CSMD3: variants seen among roughly 807,000 people sequenced by gnomAD.
CSMD3 encodes CUB and Sushi multiple domains 3.
CSMD3 carries 177 observed loss-of-function variants against 435.2 expected under a neutral mutation model. The observed-to-expected ratio is 0.41, with a 90% CI of 0.36 to 0.46. The LOEUF is 0.46. CSMD3 is among the 20% of genes least tolerant of loss of function. The pLI, the probability that CSMD3 is intolerant of heterozygous loss-of-function variation, is 0.34. For missense variants in CSMD3, 4,265 were observed against 4,504.6 expected (o/e 0.95, Z 1.52); for synonymous variants, 1,656 against 1,520.5 (o/e 1.09, Z -2.07).
intron 19 of CSMD3, 78 bp from the exon 20 acceptor site, chr8:112,645,303 G>T: frequency 1.2e-6 from 1 of 828,050 alleles, no homozygotes; most frequent in Non-Finnish European, 2.1e-6. Flanking sequence ...CTCCTCTCTT[G>T]AATTGAGCAG....
At chr8:112,845,763 G>A (rs2080300613) in intron 11 of CSMD3, among the ~76,000 whole-genome samples, 2 of 152,004 alleles carry the variant, frequency 1.3e-5, no homozygotes, top group Admixed American at 1.3e-4. Context: ...ATCCAAAGGA[G>A]AATAATGGAA....
chr8:112,237,291 C>T lies in CSMD3; in HGVS notation c.10526G>A (p.Gly3509Glu), dbSNP rs2129992136. The change falls in exon 67 of 71, where the codon GGA becomes GAA. Residue 3509 changes from glycine to glutamate, a missense_variant. Around this residue, in one of 3 missense-constraint regions of CSMD3, gnomAD observed 3,255 missense variants for 3,380.2 expected, o/e 0.96. Coordinates refer to ENST00000297405, the MANE Select transcript of CSMD3 (RefSeq NM_198123.2). Reference sequence around the variant, plus strand: ...TGTTAAGGTCATGGGTTGTTTCCTTCCTTTGAAATTGTAAGAGCCTTTCCA... The same window carrying T: ...TGTTAAGGTCATGGGTTGTTTCCTTTCTTTGAAATTGTAAGAGCCTTTCCA... ...YIWKGSYNFK[G>E]RKQPMTLTVT... 1.9e-6 allele frequency: 3 copies of T among 1,613,256 alleles called. No individual in the cohort carries two copies. The highest frequency in any genetic ancestry group is 2.5e-6 in the Non-Finnish European group (3 of 1,179,434).
chr8:113,243,146 A>C (rs2093238066), intron 3 of CSMD3, among the ~76,000 whole-genome samples: 1 of 151,802 alleles, frequency 6.6e-6, no homozygotes, highest in Non-Finnish European at 1.5e-5. Flanking sequence ...TATTTATGAA[A>C]TATATATTAA....
At chr8:112,253,301 C>T (rs533384190) in intron 63 of CSMD3, among the ~76,000 whole-genome samples, 63 of 151,884 alleles carry the variant, frequency 4.1e-4, no homozygotes, top group African/African-American at 1.5e-3. Flanking sequence ...TCTAAAAACA[C>T]CAATATAATG....
In CSMD3 at chr8:112,634,611, T is replaced by C. The variant is rs193272359; in HGVS notation, c.3715+2206A>G. 8.7e-4 allele frequency among the ~76,000 whole-genome samples: 132 copies of C among 152,154 alleles called. 2 individuals are homozygous for C. Among genetic ancestry groups the C allele is most frequent in the East Asian group, 7.7e-4 (4 of 5,186 alleles). On this transcript the variant is annotated intron_variant, in intron 22 of 70. Transcript: ENST00000297405. ...TTCCCATTAAAGATTTGGGTACGAA[T>C]AAACCAGTCTCAAAGAAACACCTTA...
intron 49 of CSMD3, among the ~76,000 whole-genome samples, chr8:112,311,901 G>A (rs17637608): frequency 0.18 from 27,371 of 151,850 alleles, 3,041 homozygotes; most frequent in Middle Eastern, 0.33. Flanking sequence ...GAAACAAATT[G>A]GACTTAGGAT....
intron 6 of CSMD3, among the ~76,000 whole-genome samples, chr8:112,977,958 T>C (rs965443926): frequency 1.3e-5 from 2 of 152,054 alleles, no homozygotes; most frequent in Admixed American, 1.3e-4. Context: ...GAACTCATGG[T>C]AAACTGTACA....
intron 13 of CSMD3, among the ~76,000 whole-genome samples, chr8:112,788,905 CA>C (rs2078619420): frequency 6.6e-6 from 1 of 152,016 alleles, no homozygotes; most frequent in Non-Finnish European, 1.5e-5. Flanking sequence ...CAAGAACAAA[CA>C]GAATCAACCT....
chr8:112,340,776 T>C (rs1284969516), intron 42 of CSMD3, among the ~76,000 whole-genome samples: 1 of 152,130 alleles, frequency 6.6e-6, no homozygotes, highest in African/African-American at 2.4e-5. Flanking sequence ...GAATACACCT[T>C]ACATACATTT....
chr8:112,386,904 T>A (rs1454443919), intron 36 of CSMD3, among the ~76,000 whole-genome samples: 1 of 152,226 alleles, frequency 6.6e-6, no homozygotes, highest in African/African-American at 2.4e-5. Flanking sequence ...AGGTAATGAA[T>A]TTCCAATCAT....
At chr8:112,852,109 A>G (rs533366809) in intron 11 of CSMD3, among the ~76,000 whole-genome samples, 2 of 152,294 alleles carry the variant, frequency 1.3e-5, no homozygotes, top group South Asian at 4.1e-4. Context: ...GGACTTCAGT[A>G]CCTGAAAAAG....
At chr8:113,039,278 T>G (rs939623958) in intron 5 of CSMD3, among the ~76,000 whole-genome samples, 1 of 152,166 alleles carries the variant, frequency 6.6e-6, no homozygotes, top group Admixed American at 6.5e-5. Context: ...AGTATTTATA[T>G]CTATGGTTAG....
intron 3 of CSMD3, among the ~76,000 whole-genome samples, chr8:113,223,228 C>A (rs1588308127): frequency 1.3e-5 from 2 of 150,240 alleles, no homozygotes; most frequent in South Asian, 4.2e-4. Context: ...CTAATTGCTG[C>A]TTTTTTAAAG....
chr8:112,563,104 C>A (rs897903601), intron 24 of CSMD3, among the ~76,000 whole-genome samples: 7 of 151,444 alleles, frequency 4.6e-5, no homozygotes, highest in Non-Finnish European at 1.0e-4. Context: ...CAATAATCCT[C>A]TGTGATTGAG....
At chr8:113,337,265 T>C (rs143105396) in intron 1 of CSMD3, among the ~76,000 whole-genome samples, 1 of 152,262 alleles carries the variant, frequency 6.6e-6, no homozygotes, top group African/African-American at 2.4e-5. Context: ...TGGCTTTATA[T>C]ATAACATAGA....
At chr8:113,356,288 A>C (rs1040581243) in intron 1 of CSMD3, among the ~76,000 whole-genome samples, 22 of 152,280 alleles carry the variant, frequency 1.4e-4, no homozygotes, top group African/African-American at 5.1e-4. Context: ...TTAATGCATA[A>C]AATGACCACA....
chr8:112,366,967 T>C (rs1827841136), intron 38 of CSMD3, among the ~76,000 whole-genome samples: 1 of 152,094 alleles, frequency 6.6e-6, no homozygotes, highest in African/African-American at 2.4e-5. Flanking sequence ...TTAATTCCCT[T>C]TTTATATACA....
intron 6 of CSMD3, among the ~76,000 whole-genome samples, chr8:112,976,467 A>T (rs576525646): frequency 2.0e-5 from 3 of 152,098 alleles, no homozygotes; most frequent in Non-Finnish European, 4.4e-5. Flanking sequence ...AATTTTAGCA[A>T]CGAATGCCTG....
At chr8:112,436,057 T>C (rs912083632) in intron 32 of CSMD3, among the ~76,000 whole-genome samples, 2 of 151,972 alleles carry the variant, frequency 1.3e-5, no homozygotes, top group Non-Finnish European at 2.9e-5. Context: ...CAGTCTAACA[T>C]AATGATTGTC....
Sources: gnomAD v4.1 joint callset for allele counts (sites outside exome capture counted in the v4.1 genomes callset) on GRCh38, gnomAD v4.1.1 for gene constraint, gnomAD v4.1.1 regional missense constraint, MANE v1.5 for transcripts, NCBI Gene and HGNC (gene_info 2026-07-23, HGNC 2026-07-21) for gene names.